The following NADK2 variants were observed in gnomAD, a reference collection of about 807,000 sequenced individuals.
The protein encoded by NADK2 is NAD kinase 2, mitochondrial, also known as NAD kinase domain-containing protein 1, mitochondrial.
NADK2 carries 35 observed loss-of-function variants against 62.1 expected under a neutral mutation model. The ratio of observed to expected loss-of-function variants is 0.56; its 90% CI spans 0.43 to 0.75. The LOEUF (loss-of-function observed/expected upper bound fraction) is 0.75. Ranked by LOEUF, NADK2 falls within the 30% of genes least tolerant of loss-of-function variation. The pLI is 0.00. For synonymous variants in NADK2, 205 were observed against 207.9 expected (o/e 0.99, Z 0.12); for missense variants, 439 against 561.3 (o/e 0.78, Z 2.20).
chr5:36,230,847 C>G (rs940634604), intron 1 of NADK2, among the ~76,000 whole-genome samples: 38 of 152,204 alleles, frequency 2.5e-4, no homozygotes, highest in African/African-American at 9.2e-4. Flanking sequence ...CATTTAACTA[C>G]TAGTTGAACT....
chr5:36,209,778 C>G (rs1381506626), intron 7 of NADK2, among the ~76,000 whole-genome samples: 2 of 152,034 alleles, frequency 1.3e-5, no homozygotes, highest in African/African-American at 4.8e-5. Flanking sequence ...GTATTACTCT[C>G]CAAAAAATTA....
At chr5:36,198,542 A>C (rs1008709369) in intron 10 of NADK2, among the ~76,000 whole-genome samples, 3 of 150,236 alleles carry the variant, frequency 2.0e-5, no homozygotes, top group African/African-American at 7.3e-5. Flanking sequence ...ATTAAAGTAA[A>C]GCTTTGGTAT....
chr5:36,197,790 T>G, intron 10 of NADK2, 126 bp from the exon 11 acceptor site: 1 of 760,108 alleles, frequency 1.3e-6, no homozygotes, highest in Non-Finnish European at 2.0e-6. Flanking sequence ...ACAAGTTTCT[T>G]GAAACTCGTA....
Position 36,205,299 on chromosome 5 carries a change from T to A in NADK2, c.956+1871A>T, listed in dbSNP as rs1746593877. ...TCACTGTCTTTATGAAACAGGTGAG[T>A]GTTAAGGATTTGCTAAAGAGAATGA... On this transcript the variant is annotated intron_variant, in intron 8 of 11. Transcript: ENST00000381937. This position sits in a 1 kb window ranked among gnomAD's most constrained non-coding sequence, Gnocchi z 4.1. Among the ~76,000 whole-genome samples, 1 of 138,718 alleles carries A rather than the reference T, an allele frequency of 7.2e-6. No homozygotes were observed. Among genetic ancestry groups the A allele is most frequent in the African/African-American group, 2.6e-5 (1 of 38,202 alleles). The allele number at this position is 138,718 out of a possible 152,430, so 91.0% of individuals were successfully genotyped here. A position where few individuals can be genotyped will look rare whatever the true frequency, so the allele number is the denominator to read the frequency against.
In NADK2 at chr5:36,197,672, G is replaced by GA. The variant is rs750272972; in HGVS notation, c.1067-9dup. ...CATTATATTCATTTGTTACTACAAA[G>GA]AAAAAAAAATTAGCACACTCAATAA... On this transcript the variant is annotated splice_polypyrimidine_tract_variant and intron_variant, in intron 10 of 11. Transcript: ENST00000381937. 235 of 1,507,468 alleles carry GA rather than the reference G, an allele frequency of 1.6e-4. No individual in the cohort carries two copies. The highest frequency in any genetic ancestry group is 5.4e-4 in the South Asian group (41 of 76,410). The allele number at this position is 1,507,468 out of a possible 1,614,324, so 93.4% of individuals were successfully genotyped here. A position where few individuals can be genotyped will look rare whatever the true frequency, so the allele number is the denominator to read the frequency against.
At position 36,205,485 on chromosome 5, in the gene NADK2, G is replaced by C. The variant is rs573622402; in HGVS notation, c.956+1685C>G. 5.3e-5 allele frequency among the ~76,000 whole-genome samples: 8 copies of C among 152,146 alleles called. No homozygotes were observed. Among genetic ancestry groups the C allele is most frequent in the Non-Finnish European group, 1.0e-4 (7 of 67,964 alleles). On this transcript the variant is annotated intron_variant, in intron 8 of 11. Coordinates refer to ENST00000381937, the MANE Select transcript of NADK2 (RefSeq NM_001085411.3). The surrounding 1 kb of genome is among the most constrained non-coding windows in gnomAD (Gnocchi z 4.1). ...GCCAATTCTAGTGTGCCATAGGTGGGGGTAAGGGTAGGGCAGGAATAAGGC... is the reference window on the plus strand; with the variant it reads ...GCCAATTCTAGTGTGCCATAGGTGGCGGTAAGGGTAGGGCAGGAATAAGGC...
intron 1 of NADK2, among the ~76,000 whole-genome samples, chr5:36,240,409 TC>T (rs1331528391): frequency 6.6e-6 from 1 of 152,234 alleles, no homozygotes; most frequent in African/African-American, 2.4e-5. Context: ...CAAAATAACT[TC>T]GCTAAGATCA....
chr5:36,220,900 G>A (rs1747241208), intron 4 of NADK2, among the ~76,000 whole-genome samples: 4 of 152,320 alleles, frequency 2.6e-5, no homozygotes, highest in Admixed American at 2.6e-4. Flanking sequence ...CCTCTCCACA[G>A]AGCTGCTTGT....
rs1257035909 is a variant in NADK2, at chr5:36,241,138, C to A, written c.300+361G>T. Among the ~76,000 whole-genome samples the A allele has an allele frequency of 6.6e-6, 1 of 152,164 alleles. No individual in the cohort carries two copies. The highest frequency in any genetic ancestry group is 1.5e-5 in the Non-Finnish European group (1 of 68,026). ...CTGGCTCACTTTCTTGGAGTGGGTCCCAACCAGGGAACGAGGGCGGGGGCG... is the reference window on the plus strand; with the variant it reads ...CTGGCTCACTTTCTTGGAGTGGGTCACAACCAGGGAACGAGGGCGGGGGCG... On this transcript the variant is annotated intron_variant, in intron 1 of 11. Transcript: ENST00000381937. The surrounding 1 kb of genome is among the most constrained non-coding windows in gnomAD (Gnocchi z 4.9).
Position 36,193,920 on chromosome 5 carries a change from G to C in NADK2, c.*1224C>G, listed in dbSNP as rs1382200493. On this transcript the variant is annotated 3_prime_UTR_variant, in exon 12 of 12. Coordinates refer to ENST00000381937, the MANE Select transcript of NADK2 (RefSeq NM_001085411.3). ...GACATAGTTTTACATGGCACAGAGT[G>C]GGTGTTCAATAAATATTTGTCAATG... 6.6e-6 allele frequency: 1 copy of C among 152,570 alleles called. No individual in the cohort carries two copies. The highest frequency in any genetic ancestry group is 1.5e-5 in the Non-Finnish European group (1 of 68,030). 9.5% of individuals were successfully genotyped at this position (152,570 alleles called of 1,614,324 possible). A position where few individuals can be genotyped will look rare whatever the true frequency, so the allele number is the denominator to read the frequency against.
intron 8 of NADK2, among the ~76,000 whole-genome samples, chr5:36,202,664 T>A (rs1401053856): frequency 2.0e-5 from 3 of 152,036 alleles, no homozygotes; most frequent in East Asian, 1.9e-4. Flanking sequence ...GGAATCAGAG[T>A]GGACATGATA....
rs1396118720 is a variant in NADK2 at position 36,194,054 on chromosome 5, T to G, written c.*1090A>C. On this transcript the variant is annotated 3_prime_UTR_variant, in exon 12 of 12. Transcript: ENST00000381937. Reference sequence around the variant, plus strand: ...AACGACAGGATCTTTTGGCAAAAATTCTAGGATTACTTATAAGTAGATCAA... The same window carrying G: ...AACGACAGGATCTTTTGGCAAAAATGCTAGGATTACTTATAAGTAGATCAA... 2.6e-5 allele frequency: 4 copies of G among 152,468 alleles called. No homozygotes were observed. Among genetic ancestry groups the G allele is most frequent in the South Asian group, 4.1e-4 (2 of 4,826 alleles). The allele number at this position is 152,468 out of a possible 1,614,324, so 9.4% of individuals were successfully genotyped here. A position where few individuals can be genotyped will look rare whatever the true frequency, so the allele number is the denominator to read the frequency against.
At chr5:36,230,255 A>G (rs529629837) in intron 1 of NADK2, among the ~76,000 whole-genome samples, 3 of 152,096 alleles carry the variant, frequency 2.0e-5, no homozygotes, top group African/African-American at 4.8e-5. Flanking sequence ...TCTTTGGTCT[A>G]TTTTCACCAA....
intron 6 of NADK2, among the ~76,000 whole-genome samples, chr5:36,217,110 C>G (rs1274205530): frequency 6.6e-6 from 1 of 151,874 alleles, no homozygotes; most frequent in Non-Finnish European, 1.5e-5. Context: ...TAAATTTATC[C>G]AGAAAATAAA....
At chr5:36,202,177 T>C (rs1395434121) in intron 8 of NADK2, among the ~76,000 whole-genome samples, 3 of 152,088 alleles carry the variant, frequency 2.0e-5, no homozygotes, top group Non-Finnish European at 4.4e-5. Context: ...ATTTTTTTCT[T>C]AGGTCTACAA....
intron 7 of NADK2, 66 bp downstream of exon 7, chr5:36,211,778 C>A: frequency 7.5e-7 from 1 of 1,341,094 alleles, no homozygotes; most frequent in Non-Finnish European, 1.1e-6. Context: ...GTTGTAGAAA[C>A]TGAATAAATA....
intron 1 of NADK2, among the ~76,000 whole-genome samples, chr5:36,231,599 T>C (rs1296484016): frequency 6.6e-6 from 1 of 152,226 alleles, no homozygotes; most frequent in East Asian, 1.9e-4. Context: ...TAAATCACTA[T>C]TCAACTGGCT....
At chr5:36,228,659 CCCAGGCCGG>C in intron 1 of NADK2, among the ~76,000 whole-genome samples, 1 of 151,864 alleles carries the variant, frequency 6.6e-6, no homozygotes, top group Admixed American at 6.6e-5. Flanking sequence ...GGCTCTGTTG[CCCAGGCCGG>C]GGTGTGGTAG....
intron 7 of NADK2, among the ~76,000 whole-genome samples, chr5:36,208,210 G>A (rs16902814): frequency 0.062 from 9,407 of 151,994 alleles, 1,020 homozygotes; most frequent in African/African-American, 0.22. Flanking sequence ...AATTTGTAAG[G>A]GTTTTGCATA....
Sources: gnomAD v4.1 joint callset for allele counts (sites outside exome capture counted in the v4.1 genomes callset) on GRCh38, gnomAD v4.1.1 for gene constraint, Gnocchi (gnomAD v3.1) non-coding constraint, MANE v1.5 for transcripts, NCBI Gene and HGNC (gene_info 2026-07-23, HGNC 2026-07-21) for gene names.